Variants in VWC2L observed in about 807,000 individuals in gnomAD.
The protein encoded by VWC2L is von Willebrand factor C domain-containing protein 2-like.
Under a neutral mutation model 21.6 loss-of-function variants are expected in VWC2L, and 10 were observed. That is an observed-to-expected ratio of 0.46 (90% confidence interval 0.29 to 0.78). The LOEUF is 0.78. Ranked by LOEUF, VWC2L falls within the 30% of genes least tolerant of loss-of-function variation. The pLI, the probability that VWC2L is intolerant of heterozygous loss-of-function variation, is 0.10. For synonymous variants in VWC2L, 96 were observed against 94.3 expected (o/e 1.02, Z -0.10); for missense variants, 209 against 277.1 (o/e 0.75, Z 1.74).
chr2:214,521,577 A>G (rs1689241630), intron 3 of VWC2L, among the ~76,000 whole-genome samples: 1 of 152,188 alleles, frequency 6.6e-6, no homozygotes. Context: ...CCCCTACTAC[A>G]TTTGTTGCCA....
intron 3 of VWC2L, among the ~76,000 whole-genome samples, chr2:214,456,675 C>T (rs1270599068): frequency 6.6e-6 from 1 of 152,036 alleles, no homozygotes; most frequent in South Asian, 2.1e-4. Flanking sequence ...TGGAGCTTTT[C>T]CCCTATGATT....
At chr2:214,457,722 C>A (rs1489484803) in intron 3 of VWC2L, among the ~76,000 whole-genome samples, 2 of 152,100 alleles carry the variant, frequency 1.3e-5, no homozygotes, top group Admixed American at 1.3e-4. Flanking sequence ...TTCTCTGTGA[C>A]TCTTGAGATG....
chr2:214,437,130 A>G (rs2126178887), intron 3 of VWC2L, among the ~76,000 whole-genome samples: 1 of 152,288 alleles, frequency 6.6e-6, no homozygotes, highest in African/African-American at 2.4e-5. Flanking sequence ...CCCAGGATAT[A>G]GGGTAGGGTA....
chr2:214,446,912 C>T (rs1377760904), intron 3 of VWC2L, among the ~76,000 whole-genome samples: 2 of 152,086 alleles, frequency 1.3e-5, no homozygotes, highest in African/African-American at 4.8e-5. Context: ...GATAATCGGA[C>T]TCAAAAACAG....
rs571018231 is a variant in VWC2L at position 214,491,384 on chromosome 2, G to A, written c.520+54626G>A. Among the ~76,000 whole-genome samples, 4 of 152,296 alleles carry A rather than the reference G, an allele frequency of 2.6e-5. No individual in the cohort carries two copies. The South Asian group carries it at 8.3e-4, about 32-fold the overall frequency. ...AGAATATTGAGGACGCAGAGCACGA[G>A]CAATGGGTTAAATTTGGATGGAATA... is the stretch of plus-strand genomic sequence containing the variant. On this transcript the variant is annotated intron_variant, in intron 3 of 3. Transcript: ENST00000312504.
chr2:214,562,710 G>A (rs1379476688), intron 3 of VWC2L, among the ~76,000 whole-genome samples: 1 of 152,132 alleles, frequency 6.6e-6, no homozygotes, highest in Non-Finnish European at 1.5e-5. Context: ...TCTCATTGTG[G>A]TTTTGACTTG....
intron 3 of VWC2L, among the ~76,000 whole-genome samples, chr2:214,523,225 C>A (rs1689271981): frequency 6.6e-6 from 1 of 152,208 alleles, no homozygotes; most frequent in Non-Finnish European, 1.5e-5. Context: ...TGAATCAATG[C>A]AGAGAACCCT....
intron 3 of VWC2L, among the ~76,000 whole-genome samples, chr2:214,538,259 C>T (rs1436900842): frequency 6.6e-6 from 1 of 152,066 alleles, no homozygotes; most frequent in Non-Finnish European, 1.5e-5. Flanking sequence ...GCTGCTATCA[C>T]TCTACCAAAT....
Position 214,506,454 on chromosome 2 carries a change from A to G in VWC2L, c.521-69218A>G, listed in dbSNP as rs994838355. ...CCTATATCATTATTAAGAATTTCTTAAAATCTTAATTCCCAGTGTTTGAAG... is the reference window on the plus strand; with the variant it reads ...CCTATATCATTATTAAGAATTTCTTGAAATCTTAATTCCCAGTGTTTGAAG... On this transcript the variant is annotated intron_variant, in intron 3 of 3. Coordinates refer to ENST00000312504, the MANE Select transcript of VWC2L (RefSeq NM_001080500.4). Among the ~76,000 whole-genome samples the G allele has an allele frequency of 2.6e-5, 4 of 152,154 alleles. No homozygotes were observed. The South Asian group carries it at 6.2e-4, about 24-fold the overall frequency.
intron 2 of VWC2L, among the ~76,000 whole-genome samples, chr2:214,425,525 A>T (rs1323426337): frequency 6.6e-6 from 1 of 152,164 alleles, no homozygotes; most frequent in African/African-American, 2.4e-5. Flanking sequence ...TTAATTTTTT[A>T]TCTTTTTATA....
At chr2:214,421,158 A>G (rs1471911124) in intron 2 of VWC2L, among the ~76,000 whole-genome samples, 2 of 152,252 alleles carry the variant, frequency 1.3e-5, no homozygotes, top group African/African-American at 4.8e-5. Flanking sequence ...ACAAAAGTAC[A>G]CTAAAAGTTT....
intron 3 of VWC2L, among the ~76,000 whole-genome samples, chr2:214,461,882 T>C (rs1415846468): frequency 1.3e-5 from 2 of 152,204 alleles, no homozygotes; most frequent in Non-Finnish European, 2.9e-5. Context: ...TTGCTATCAG[T>C]GTCAGCTACC....
chr2:214,521,358 C>T (rs987357135), intron 3 of VWC2L, among the ~76,000 whole-genome samples: 4 of 152,102 alleles, frequency 2.6e-5, no homozygotes, highest in Non-Finnish European at 2.9e-5. Flanking sequence ...CAAAATTTTA[C>T]CCCATTTACA....
intron 3 of VWC2L, among the ~76,000 whole-genome samples, chr2:214,535,476 T>C (rs1186640514): frequency 6.6e-6 from 1 of 151,304 alleles, no homozygotes; most frequent in Admixed American, 6.6e-5. Flanking sequence ...CATTGGCCTA[T>C]TGAAATGTGA....
At chr2:214,489,195 G>A (rs996924830) in intron 3 of VWC2L, among the ~76,000 whole-genome samples, 3 of 152,302 alleles carry the variant, frequency 2.0e-5, no homozygotes, top group Admixed American at 1.3e-4. Context: ...ATCAGCTAGT[G>A]CTCAAAGAAA....
At chr2:214,499,480 C>T (rs1400236683) in intron 3 of VWC2L, among the ~76,000 whole-genome samples, 2 of 133,038 alleles carry the variant, frequency 1.5e-5, no homozygotes, top group African/African-American at 5.8e-5. Context: ...GGAAGGGGAA[C>T]ATCACACACT....
At chr2:214,449,251 G>A (rs1273139145) in intron 3 of VWC2L, among the ~76,000 whole-genome samples, 1 of 152,158 alleles carries the variant, frequency 6.6e-6, no homozygotes, top group Non-Finnish European at 1.5e-5. Flanking sequence ...ATACACTGTG[G>A]TAGGCTAGAA....
intron 3 of VWC2L, among the ~76,000 whole-genome samples, chr2:214,460,459 C>G (rs545350865): frequency 2.0e-5 from 3 of 151,942 alleles, no homozygotes; most frequent in African/African-American, 7.2e-5. Flanking sequence ...CCTTTTTATT[C>G]TCTTTGGATT....
intron 3 of VWC2L, among the ~76,000 whole-genome samples, chr2:214,523,070 CTT>C (rs2105912201): frequency 6.6e-6 from 1 of 152,234 alleles, no homozygotes; most frequent in South Asian, 2.1e-4. Flanking sequence ...AGAGAAATAA[CTT>C]TTTATAATGA....
Sources: gnomAD v4.1 joint callset for allele counts (sites outside exome capture counted in the v4.1 genomes callset) on GRCh38, gnomAD v4.1.1 for gene constraint, MANE v1.5 for transcripts, NCBI Gene and HGNC (gene_info 2026-07-23, HGNC 2026-07-21) for gene names.